Variants in PDE7B observed in about 807,000 individuals in gnomAD.
The protein encoded by PDE7B is 3',5'-cyclic-AMP phosphodiesterase 7B.
A neutral mutation model predicts 56.2 loss-of-function variants in PDE7B; 29 were observed. The ratio of observed to expected loss-of-function variants is 0.52; its 90% CI spans 0.38 to 0.70. PDE7B has a LOEUF of 0.70. Ranked by LOEUF, PDE7B falls within the 30% of genes least tolerant of loss-of-function variation. The pLI, the probability that PDE7B is intolerant of heterozygous loss-of-function variation, is 0.00. For synonymous variants in PDE7B, 197 were observed against 196.9 expected, an observed-to-expected ratio of 1.00 and a Z score of 0.00; for missense variants, 490 against 565.0, an observed-to-expected ratio of 0.87 and a Z score of 1.35.
At chr6:135,987,599 T>G (rs1373938210) in intron 2 of PDE7B, among the ~76,000 whole-genome samples, 1 of 152,174 alleles carries the variant, frequency 6.6e-6, no homozygotes, top group Non-Finnish European at 1.5e-5. Context: ...GATGTCTATC[T>G]GTCCCAAAAG....
At chr6:136,046,855 C>T (rs928978085) in intron 2 of PDE7B, among the ~76,000 whole-genome samples, 1 of 152,170 alleles carries the variant, frequency 6.6e-6, no homozygotes, top group African/African-American at 2.4e-5. Context: ...CAAACTCACA[C>T]ACAAAACAAA....
intron 2 of PDE7B, among the ~76,000 whole-genome samples, chr6:135,982,053 C>A (rs1775306809): frequency 6.6e-6 from 1 of 152,068 alleles, no homozygotes; most frequent in Admixed American, 6.6e-5. Flanking sequence ...ATTGTACATG[C>A]AGTTTGTCAT....
At chr6:135,955,449 AT>A (rs1774775346) in intron 2 of PDE7B, among the ~76,000 whole-genome samples, 1 of 152,282 alleles carries the variant, frequency 6.6e-6, no homozygotes, top group Middle Eastern at 3.4e-3. Context: ...CGGCAGCTTA[AT>A]GTGACCAATT....
At chr6:136,179,205 G>A (rs936744457) in intron 10 of PDE7B, 64 bp downstream of exon 10, 9 of 1,467,504 alleles carry the variant, frequency 6.1e-6, no homozygotes, top group Admixed American at 1.7e-5. Flanking sequence ...GCTGGGTGTG[G>A]TGGCTCACAT....
chr6:135,967,991 T>C (rs751638660), intron 2 of PDE7B, among the ~76,000 whole-genome samples: 2 of 152,192 alleles, frequency 1.3e-5, no homozygotes, highest in Non-Finnish European at 2.9e-5. Flanking sequence ...ACTGTGGCTA[T>C]TGAAGAAAGG....
chr6:135,989,411 C>T (rs564359691), intron 2 of PDE7B, among the ~76,000 whole-genome samples: 6 of 152,220 alleles, frequency 3.9e-5, no homozygotes, highest in African/African-American at 1.2e-4. Context: ...GTCGGTAGTT[C>T]GAGACCAGCC....
At chr6:135,929,697 A>G (rs192221578) in intron 1 of PDE7B, among the ~76,000 whole-genome samples, 1 of 152,298 alleles carries the variant, frequency 6.6e-6, no homozygotes, top group East Asian at 1.9e-4. Context: ...GCCTTCCCTG[A>G]TTTGATACTA....
At chr6:136,087,871 G>A (rs1777318985) in intron 2 of PDE7B, among the ~76,000 whole-genome samples, 2 of 152,096 alleles carry the variant, frequency 1.3e-5, no homozygotes, top group Admixed American at 6.5e-5. Context: ...TTGAAATTGG[G>A]AACATTCTTG....
At chr6:135,986,192 G>A (rs1373049197) in intron 2 of PDE7B, among the ~76,000 whole-genome samples, 4 of 152,216 alleles carry the variant, frequency 2.6e-5, no homozygotes, top group Admixed American at 6.5e-5. Context: ...CATTGATAGT[G>A]AGTGTGAGAT....
At chr6:135,957,120 G>A (rs1331948983) in intron 2 of PDE7B, among the ~76,000 whole-genome samples, 2 of 152,152 alleles carry the variant, frequency 1.3e-5, no homozygotes, top group Non-Finnish European at 2.9e-5. Flanking sequence ...CCCCGTGGGC[G>A]AGGAAGCATG....
intron 1 of PDE7B, among the ~76,000 whole-genome samples, chr6:135,858,520 T>C (rs994418911): frequency 2.6e-5 from 4 of 152,188 alleles, no homozygotes; most frequent in Non-Finnish European, 1.5e-5. Context: ...ATTTCTCCCA[T>C]GTACCTTTGA....
intron 2 of PDE7B, among the ~76,000 whole-genome samples, chr6:136,074,344 T>C (rs1777097781): frequency 6.6e-6 from 1 of 152,108 alleles, no homozygotes. Flanking sequence ...ACATGAGATA[T>C]TTTGATACAG....
At chr6:135,982,182 G>C in intron 2 of PDE7B, among the ~76,000 whole-genome samples, 1 of 152,090 alleles carries the variant, frequency 6.6e-6, no homozygotes, top group African/African-American at 2.4e-5. Flanking sequence ...CATGTATCAA[G>C]CATATTGCCA....
intron 2 of PDE7B, among the ~76,000 whole-genome samples, chr6:135,994,257 T>C (rs539752523): frequency 1.3e-5 from 2 of 151,984 alleles, no homozygotes; most frequent in African/African-American, 4.8e-5. Flanking sequence ...GAGGAAACAC[T>C]TCAGAATAAG....
chr6:136,031,754 AAAAG>A (rs1238099979), intron 2 of PDE7B, among the ~76,000 whole-genome samples: 2 of 151,778 alleles, frequency 1.3e-5, no homozygotes, highest in South Asian at 2.1e-4. Flanking sequence ...AAAAAAAAAA[AAAAG>A]AAGGCTTGAT....
intron 9 of PDE7B, among the ~76,000 whole-genome samples, chr6:136,178,139 C>T (rs907767097): frequency 3.3e-5 from 5 of 152,062 alleles, no homozygotes; most frequent in African/African-American, 9.7e-5. Context: ...AAACAAAGAG[C>T]AAGAAAGTGG....
At chr6:136,125,519 C>T (rs969602523) in intron 3 of PDE7B, among the ~76,000 whole-genome samples, 1 of 151,958 alleles carries the variant, frequency 6.6e-6, no homozygotes, top group African/African-American at 2.4e-5. Context: ...AGCTATGATA[C>T]AATTGCTCCA....
chr6:136,167,254 A>C (rs1252391216), intron 8 of PDE7B, among the ~76,000 whole-genome samples: 1 of 152,102 alleles, frequency 6.6e-6, no homozygotes, highest in Non-Finnish European at 1.5e-5. Context: ...TTCCAGCATG[A>C]AAGTATTTAT....
At chr6:135,977,487 AG>A (rs1421123864) in intron 2 of PDE7B, among the ~76,000 whole-genome samples, 3 of 152,182 alleles carry the variant, frequency 2.0e-5, no homozygotes, top group African/African-American at 7.2e-5. Flanking sequence ...ACTGCCTCCA[AG>A]GCATGCTGAC....
Sources: allele counts gnomAD v4.1 joint callset (sites outside exome capture counted in the v4.1 genomes callset), GRCh38; gene constraint gnomAD v4.1.1; transcripts MANE v1.5; gene names NCBI Gene and HGNC (gene_info 2026-07-23, HGNC 2026-07-21).